DISP3: variants seen among roughly 807,000 people sequenced by gnomAD.
DISP3 encodes dispatched RND transporter family member 3, also known as protein dispatched homolog 3.
In DISP3, 101 loss-of-function variants were observed where a neutral mutation model predicts 135.3. The observed-to-expected ratio is 0.75, with a 90% CI of 0.64 to 0.88. The LOEUF (loss-of-function observed/expected upper bound fraction) is 0.88. Ranked by LOEUF, DISP3 falls within the 40% of genes least tolerant of loss-of-function variation. The probability of loss-of-function intolerance (pLI) is 0.00; values close to 1 mark genes in which losing one functional copy is unlikely to be tolerated. For missense variants in DISP3, 1,713 were observed against 1,878.6 expected, an observed-to-expected ratio of 0.91 and a Z score of 1.63; for synonymous variants, 856 against 817.0, an observed-to-expected ratio of 1.05 and a Z score of -0.81.
At chr1:11,485,999 A>G (rs558337685) in intron 1 of DISP3, among the ~76,000 whole-genome samples, 2 of 152,330 alleles carry the variant, frequency 1.3e-5, no homozygotes, top group African/African-American at 4.8e-5. Context: ...TAATCTGGGT[A>G]ATTGTGCATA....
chr1:11,530,062 T>A, intron 15 of DISP3, 103 bp downstream of exon 15: 2 of 1,468,994 alleles, frequency 1.4e-6, no homozygotes, highest in Non-Finnish European at 9.1e-7. Context: ...CACCCCCTCT[T>A]GGCTCCTCAA....
rs1336476892 is a variant in DISP3, at chr1:11,520,277, G to A, written c.2200+397G>A. On this transcript the variant is annotated intron_variant, in intron 9 of 20. Coordinates refer to ENST00000294484, the MANE Select transcript of DISP3 (RefSeq NM_020780.2). This position sits in a 1 kb window ranked among gnomAD's most constrained non-coding sequence, Gnocchi z 4.8. ...GAAGGCAGCTGTCAGTGGAGAGTAT[G>A]TATAAAGACCTCAGCCCAGCGCGTG... Among the ~76,000 whole-genome samples, 1 of 152,208 alleles carries A rather than the reference G, an allele frequency of 6.6e-6. No homozygotes were observed. The highest frequency in any genetic ancestry group is 1.5e-5 in the Non-Finnish European group (1 of 68,038).
rs1557613561 is a variant in DISP3, at chr1:11,520,789, T to C, written c.2303T>C (p.Val768Ala). The C allele has an allele frequency of 1.2e-6, 2 of 1,613,434 alleles. No individual in the cohort carries two copies. The highest frequency in any genetic ancestry group is 1.7e-6 in the Non-Finnish European group (2 of 1,179,972). The change falls in exon 10 of 21, where the codon GTG becomes GCG. Residue 768 changes from valine (V) to alanine (A), a missense_variant. Val to Ala is a moderately conservative substitution (Grantham distance 64). This residue lies in a region of DISP3 where 1,142 missense variants were observed against 1,384.6 expected (regional missense o/e 0.82). Transcript: ENST00000294484. The surrounding 1 kb of genome is among the most constrained non-coding windows in gnomAD (Gnocchi z 4.8). ...LLFRPDTNIQ[V>A]LLDLKYNLSA... The stretch of plus-strand genomic sequence containing the variant: ...TTCCGGCCTGATACCAACATCCAGG[T>C]GCTGCTGGACCTCAAGTACAACCTG...
At chr1:11,534,910 TG>T in intron 18 of DISP3, 100 bp from the exon 19 acceptor site, 1 of 1,060,012 alleles carries the variant, frequency 9.4e-7, no homozygotes, top group Non-Finnish European at 1.4e-6. Flanking sequence ...TTTTACAGAC[TG>T]GGAGTCGGAG....
rs1642509675 is a variant in DISP3 at position 11,529,264 on chromosome 1, C to T, written c.2799-292C>T. ...GGGGGACAGTTTGAAAGCTGCTGGT[C>T]TTCTCCACCCTTCATGACTCCTATG... On this transcript the variant is annotated intron_variant, in intron 13 of 20. Transcript: ENST00000294484. This position sits in a 1 kb window ranked among gnomAD's most constrained non-coding sequence, Gnocchi z 4.7. 6.6e-6 allele frequency among the ~76,000 whole-genome samples: 1 copy of T among 152,076 alleles called. No homozygotes were observed. Among genetic ancestry groups the T allele is most frequent in the Non-Finnish European group, 1.5e-5 (1 of 67,988 alleles).
At chr1:11,522,772 A>G (rs377154504) in intron 10 of DISP3, among the ~76,000 whole-genome samples, 702 of 14,778 alleles carry the variant, frequency 0.048, 3 homozygotes, top group East Asian at 0.1. Flanking sequence ...CCCAGCCAGG[A>G]CCCAGCCAGG....
At position 11,502,057 on chromosome 1, in the gene DISP3, C is replaced by T. The variant is rs201337389; in HGVS notation, c.1065C>T (p.Asp355=). The stretch of plus-strand genomic sequence containing the variant: ...AGAGGGGCGGCAAGATCTACTATGA[C>T]GGCATGGGCCAGGACCTGGCGGACA... ...PTERGGKIYY[D]GMGQDLADIR... is the part of the protein sequence containing the mutation. Residue 355 remains aspartate, a synonymous_variant, in exon 2 of 21, where the codon GAC becomes GAT. Coordinates refer to ENST00000294484, the MANE Select transcript of DISP3 (RefSeq NM_020780.2). 237 of 1,589,062 alleles carry T rather than the reference C, an allele frequency of 1.5e-4. No individual in the cohort carries two copies. The African/African-American group carries it at 2.8e-3, about 19-fold the overall frequency.
chr1:11,526,198 C>T (rs1393785454), intron 12 of DISP3, among the ~76,000 whole-genome samples: 6 of 152,220 alleles, frequency 3.9e-5, no homozygotes, highest in Admixed American at 2.0e-4. Context: ...CCTTCAGCTT[C>T]GTGCGTGGCT....
intron 13 of DISP3, among the ~76,000 whole-genome samples, chr1:11,528,872 G>A (rs1642500328): frequency 6.6e-6 from 1 of 152,224 alleles, no homozygotes; most frequent in Non-Finnish European, 1.5e-5. Flanking sequence ...ATGGGGCTGA[G>A]GGCTGCAGCT....
intron 3 of DISP3, among the ~76,000 whole-genome samples, chr1:11,512,207 C>T (rs563798752): frequency 7.2e-5 from 11 of 152,258 alleles, no homozygotes; most frequent in African/African-American, 2.4e-4. Flanking sequence ...AGGCTCCTTG[C>T]TACTTATGCA....
rs567495041 is a variant in DISP3, at chr1:11,513,837, T to A, written c.1317-553T>A. Reference sequence around the variant, plus strand: ...GGTTGCCTTGTTTCATACATTTTTGTTAGTTCCAGTGAGAAGATAAATATG... The same window carrying A: ...GGTTGCCTTGTTTCATACATTTTTGATAGTTCCAGTGAGAAGATAAATATG... On this transcript the variant is annotated intron_variant, in intron 3 of 20. Transcript: ENST00000294484. Among the ~76,000 whole-genome samples, 4 of 152,326 alleles carry A rather than the reference T, an allele frequency of 2.6e-5. No individual in the cohort carries two copies. The East Asian group carries it at 7.7e-4, about 29-fold the overall frequency.
At position 11,520,786 on chromosome 1, in the gene DISP3, A is replaced by G. The variant is rs768364401; in HGVS notation, c.2300A>G (p.Gln767Arg). ...CTCTTCCGGCCTGATACCAACATCC[A>G]GGTGCTGCTGGACCTCAAGTACAAC... is the stretch of plus-strand genomic sequence containing the variant. ...PLLFRPDTNI[Q>R]VLLDLKYNLS... is the part of the protein sequence containing the mutation. Residue 767 changes from glutamine to arginine, a missense_variant, in exon 10 of 21, where the codon CAG becomes CGG. Gln to Arg is a conservative substitution (Grantham distance 43). Coordinates refer to ENST00000294484, the MANE Select transcript of DISP3 (RefSeq NM_020780.2). This position sits in a 1 kb window ranked among gnomAD's most constrained non-coding sequence, Gnocchi z 4.8. 6.2e-7 allele frequency: 1 copy of G among 1,613,418 alleles called. No individual in the cohort carries two copies. The highest frequency in any genetic ancestry group is 8.5e-7 in the Non-Finnish European group (1 of 1,179,958).
chr1:11,523,509 AG>A (rs1450951678), intron 10 of DISP3, among the ~76,000 whole-genome samples: 1 of 128,312 alleles, frequency 7.8e-6, no homozygotes. Flanking sequence ...GACAGCAAGC[AG>A]GGGGCAGAGT....
chr1:11,526,547 A>C (rs1022556402), intron 12 of DISP3, 104 bp from the exon 13 acceptor site: 23 of 1,309,828 alleles, frequency 1.8e-5, no homozygotes, highest in Non-Finnish European at 2.5e-5. Flanking sequence ...GGACTGGGAC[A>C]GGGTGAACTA....
At position 11,533,552 on chromosome 1, in the gene DISP3, C is replaced by T. The variant is rs1035493674; in HGVS notation, c.3376-829C>T. ...GATTATAGGCGTGAGCCACTGCGCC[C>T]AGCCGGTGACTGGCTCATTTTACTC... On this transcript the variant is annotated intron_variant, in intron 17 of 20. Transcript: ENST00000294484. The T allele has an allele frequency of 5.7e-6, 3 of 530,854 alleles. No individual in the cohort carries two copies. In the South Asian group the frequency reaches 7.7e-5, roughly 14 times the overall value. 32.9% of individuals were successfully genotyped at this position (530,854 alleles called of 1,614,324 possible). A position where few individuals can be genotyped will look rare whatever the true frequency, so the allele number is the denominator to read the frequency against.
chr1:11,525,454 T>C (rs1642387236), intron 12 of DISP3, 142 bp downstream of exon 12: 1 of 1,108,836 alleles, frequency 9.0e-7, no homozygotes, highest in East Asian at 2.8e-5. Flanking sequence ...AAACCAGCCA[T>C]GTCTGTGACA....
chr1:11,528,947 G>T (rs1178357425), intron 13 of DISP3, among the ~76,000 whole-genome samples: 1 of 152,226 alleles, frequency 6.6e-6, no homozygotes, highest in African/African-American at 2.4e-5. Context: ...CCCTGACTCG[G>T]GGGTGGGGGC....
Position 11,529,649 on chromosome 1 carries a change from G to A in DISP3, c.2892G>A (p.Gly964=), listed in dbSNP as rs764239049. The A allele has an allele frequency of 6.2e-7, 1 of 1,609,102 alleles. No homozygotes were observed. Among genetic ancestry groups the A allele is most frequent in the Non-Finnish European group, 8.5e-7 (1 of 1,176,150 alleles). Residue 964 remains glycine, a synonymous_variant, in exon 14 of 21, where the codon GGG becomes GGA. Transcript: ENST00000294484. The surrounding 1 kb of genome is among the most constrained non-coding windows in gnomAD (Gnocchi z 4.7). ...GCCTGCTTAGCTCCAGCCCCGATGG[G>A]CCTACCAAAGGCTTCTTCTTCGTGC... ...PGCLLSSSPD[G]PTKGFFFVPS...
chr1:11,517,160 A>T (rs1406113163), intron 6 of DISP3, among the ~76,000 whole-genome samples: 7 of 152,198 alleles, frequency 4.6e-5, no homozygotes, highest in African/African-American at 1.7e-4. Flanking sequence ...TCATTCGCGT[A>T]ATGACAGCTA....
Sources: gnomAD v4.1 joint callset for allele counts (sites outside exome capture counted in the v4.1 genomes callset) on GRCh38, gnomAD v4.1.1 for gene constraint, gnomAD v4.1.1 regional missense constraint, Gnocchi (gnomAD v3.1) non-coding constraint, MANE v1.5 for transcripts, NCBI Gene and HGNC (gene_info 2026-07-23, HGNC 2026-07-21) for gene names.